Variants in MRPS31 observed in about 807,000 individuals in gnomAD.
MRPS31 encodes the protein small ribosomal subunit protein mS31.
In MRPS31, 32 loss-of-function variants were observed where a neutral mutation model predicts 43.1. That is an observed-to-expected ratio of 0.74 (90% CI 0.56 to 1.00). The LOEUF (loss-of-function observed/expected upper bound fraction) is 1.00, where lower values mean the gene tolerates loss of function less well. Among genes scored for constraint, MRPS31 ranks in the 50% least tolerant of loss-of-function variants. The probability of loss-of-function intolerance (pLI) is 0.00; values close to 1 mark genes in which losing one functional copy is unlikely to be tolerated. For missense variants in MRPS31, 437 were observed against 466.7 expected (o/e 0.94, Z 0.59); for synonymous variants, 165 against 161.6 (o/e 1.02, Z -0.16).
intron 6 of MRPS31, among the ~76,000 whole-genome samples, chr13:40,748,803 CTTAT>C (rs1437379654): frequency 1.3e-5 from 2 of 151,982 alleles, no homozygotes; most frequent in African/African-American, 4.8e-5. Flanking sequence ...TCTTATACAC[CTTAT>C]TTAATTTATT....
intron 5 of MRPS31, among the ~76,000 whole-genome samples, chr13:40,753,556 T>C (rs1880449665): frequency 6.6e-6 from 1 of 152,162 alleles, no homozygotes; most frequent in Non-Finnish European, 1.5e-5. Context: ...GTTGCTTGGA[T>C]CCTGAAGGCT....
intron 5 of MRPS31, among the ~76,000 whole-genome samples, chr13:40,753,401 A>C (rs1167020870): frequency 6.6e-6 from 1 of 152,228 alleles, no homozygotes; most frequent in Admixed American, 6.5e-5. Flanking sequence ...ATTAGTAGCT[A>C]ATCTGGACCT....
intron 4 of MRPS31, among the ~76,000 whole-genome samples, chr13:40,755,598 A>G (rs977783191): frequency 3.3e-5 from 5 of 152,138 alleles, no homozygotes; most frequent in Non-Finnish European, 7.4e-5. Flanking sequence ...TGAACTGTCA[A>G]TCTCCAACAG....
chr13:40,735,076 G>C (rs1173400816), intron 6 of MRPS31, among the ~76,000 whole-genome samples: 1 of 152,212 alleles, frequency 6.6e-6, no homozygotes, highest in Admixed American at 6.5e-5. Context: ...GTGGGTGCGC[G>C]CACCTTGCGC....
intron 6 of MRPS31, among the ~76,000 whole-genome samples, chr13:40,742,333 G>A (rs1880122779): frequency 6.6e-6 from 1 of 152,080 alleles, no homozygotes; most frequent in Non-Finnish European, 1.5e-5. Context: ...AACAAATAAA[G>A]GGTGAAATCC....
At chr13:40,752,131 C>G (rs1342142132) in intron 5 of MRPS31, 1 of 152,174 alleles carries the variant, frequency 6.6e-6, no homozygotes, top group Non-Finnish European at 1.5e-5. Context: ...GCAAGTGATT[C>G]TCCTGCCTCA....
intron 6 of MRPS31, among the ~76,000 whole-genome samples, chr13:40,746,118 A>G (rs1436334514): frequency 1.3e-5 from 2 of 152,250 alleles, no homozygotes; most frequent in African/African-American, 4.8e-5. Flanking sequence ...TAAACACGAT[A>G]TGTCACTTTG....
In MRPS31 at chr13:40,765,299, C is replaced by T. The variant is rs117481294; in HGVS notation, c.440+1447G>A. On this transcript the variant is annotated intron_variant, in intron 2 of 6. Transcript: ENST00000323563. ...AATGTAAGAAAGCTTACAAAGCAAT[C>T]TAAGTGTATGATCTTCCCACACATG... is the stretch of plus-strand genomic sequence containing the variant. 1.6e-3 allele frequency among the ~76,000 whole-genome samples: 245 copies of T among 152,334 alleles called. 2 individuals are homozygous for T. In the East Asian group the frequency reaches 0.027, roughly 17 times the overall value.
chr13:40,762,655 T>C (rs1297194890), intron 2 of MRPS31, among the ~76,000 whole-genome samples: 1 of 151,800 alleles, frequency 6.6e-6, no homozygotes, highest in Non-Finnish European at 1.5e-5. Context: ...GGGCTGGTCT[T>C]AAACTCCTAG....
chr13:40,764,356 T>C (rs948829352), intron 2 of MRPS31, among the ~76,000 whole-genome samples: 2 of 152,054 alleles, frequency 1.3e-5, no homozygotes, highest in South Asian at 4.1e-4. Flanking sequence ...AGTAGTTATA[T>C]TGTATTTTTT....
chr13:40,753,819 C>T (rs1282499207), intron 5 of MRPS31, among the ~76,000 whole-genome samples, 200 bp downstream of exon 5: 3 of 152,174 alleles, frequency 2.0e-5, no homozygotes. Context: ...CCAAATTATT[C>T]TTTGGTCTCT....
chr13:40,769,490 A>G (rs1368325698), intron 1 of MRPS31, among the ~76,000 whole-genome samples: 1 of 147,508 alleles, frequency 6.8e-6, no homozygotes, highest in African/African-American at 2.5e-5. Context: ...AGAAAATGGC[A>G]ATTTCAAAAA....
intron 1 of MRPS31, among the ~76,000 whole-genome samples, chr13:40,768,261 G>C (rs186728062): frequency 6.6e-6 from 1 of 152,182 alleles, no homozygotes; most frequent in East Asian, 1.9e-4. Context: ...CACTATACTA[G>C]GTACTGACAA....
At chr13:40,740,746 T>C (rs1181415491) in intron 6 of MRPS31, among the ~76,000 whole-genome samples, 2 of 130,648 alleles carry the variant, frequency 1.5e-5, no homozygotes, top group Admixed American at 8.9e-5. Context: ...TGAGATCACA[T>C]GGACACAGGA....
At chr13:40,767,076 G>A (rs1472303397) in intron 1 of MRPS31, 43 bp from the exon 2 acceptor site, 1 of 1,479,116 alleles carries the variant, frequency 6.8e-7, no homozygotes, top group East Asian at 2.3e-5. Flanking sequence ...ATACAATGCA[G>A]TCTACAATAA....
In MRPS31 at chr13:40,759,062, A is replaced by G. The variant is rs759142056; in HGVS notation, c.485T>C (p.Val162Ala). The change falls in exon 3 of 7, where the codon GTG (valine) becomes GCG (alanine). Residue 162 changes from valine to alanine, a missense_variant. Transcript: ENST00000323563. ...CTTATCAAAAGGGAGAGAATCTGCC[A>G]CAGCAGATGCAGCTGCCACCAACTC... is the stretch of plus-strand genomic sequence containing the variant. ...SPELVAAASA[V>A]ADSLPFDKQT... is the part of the protein sequence containing the mutation. 2 of 1,607,198 alleles carry G rather than the reference A, an allele frequency of 1.2e-6. No individual in the cohort carries two copies. Among genetic ancestry groups the G allele is most frequent in the Admixed American group, 3.4e-5 (2 of 58,900 alleles).
intron 3 of MRPS31, 29 bp downstream of exon 3, chr13:40,758,919 T>C (rs774597078): frequency 2.5e-5 from 38 of 1,517,544 alleles, no homozygotes; most frequent in Non-Finnish European, 3.2e-5. Context: ...GATATAAACA[T>C]TACTGACTTA....
intron 6 of MRPS31, among the ~76,000 whole-genome samples, chr13:40,740,084 A>G (rs1880038606): frequency 6.6e-6 from 1 of 151,028 alleles, no homozygotes. Context: ...AACTCAAGCA[A>G]ATTTACAAGA....
chr13:40,729,730 ATTT>A (rs35753575), intron 6 of MRPS31, 129 bp from the exon 7 acceptor site: 730 of 521,750 alleles, frequency 1.4e-3, no homozygotes, highest in Middle Eastern at 2.6e-3. Flanking sequence ...CCTAGGTTGC[ATTT>A]TTTTTTTTTT....
Sources: gnomAD v4.1 joint callset for allele counts (sites outside exome capture counted in the v4.1 genomes callset) on GRCh38, gnomAD v4.1.1 for gene constraint, MANE v1.5 for transcripts, NCBI Gene and HGNC (gene_info 2026-07-23, HGNC 2026-07-21) for gene names.